The following FSTL5 variants were observed in gnomAD, a reference collection of about 807,000 sequenced individuals.
The protein encoded by FSTL5 is follistatin like 5.
A neutral mutation model predicts 89.1 loss-of-function variants in FSTL5; 62 were observed. That is an observed-to-expected ratio of 0.70 (90% confidence interval 0.57 to 0.86). FSTL5 has a LOEUF of 0.86. Among genes scored for constraint, FSTL5 ranks in the 40% least tolerant of loss-of-function variants. FSTL5 has a pLI of 0.00. For synonymous variants in FSTL5, 383 were observed against 346.2 expected (o/e 1.11, Z -1.18); for missense variants, 1,057 against 1,001.6 (o/e 1.06, Z -0.75).
At chr4:161,631,596 G>A (rs751507953) in intron 7 of FSTL5, among the ~76,000 whole-genome samples, 1 of 152,102 alleles carries the variant, frequency 6.6e-6, no homozygotes, top group African/African-American at 2.4e-5. Flanking sequence ...CAGACTGGAC[G>A]AAATAGTGAG....
At chr4:161,974,588 T>A (rs559551338) in intron 3 of FSTL5, among the ~76,000 whole-genome samples, 84 of 122,038 alleles carry the variant, frequency 6.9e-4, no homozygotes, top group Non-Finnish European at 1.1e-3. Context: ...TTACACCTTA[T>A]ACAAAAATCA....
Position 161,459,230 on chromosome 4 carries a change from C to A in FSTL5, c.1698G>T (p.Lys566Asn). Residue 566 changes from lysine (K) to asparagine (N), a missense_variant, in exon 14 of 16, where the codon AAG (lysine) becomes AAT (asparagine). Physicochemically the swap from Lys to Asn is moderately conservative, Grantham distance 94. Around this residue, in one of 3 missense-constraint regions of FSTL5, gnomAD observed 980 missense variants for 903.2 expected, o/e 1.08. Coordinates refer to ENST00000306100, the MANE Select transcript of FSTL5 (RefSeq NM_020116.5). ...VWVLSWGTLE[K>N]TSPTLQVITL... ...TACTTACCTGTAGTGTTGGTGATGT[C>A]TTCTCCAAGGTACCCCAGCTTAGCA... 6.2e-7 allele frequency: 1 copy of A among 1,605,808 alleles called. No homozygotes were observed. Among genetic ancestry groups the A allele is most frequent in the South Asian group, 1.1e-5 (1 of 90,854 alleles).
At chr4:162,027,661 T>C (rs1251374935) in intron 3 of FSTL5, among the ~76,000 whole-genome samples, 1 of 152,146 alleles carries the variant, frequency 6.6e-6, no homozygotes, top group Non-Finnish European at 1.5e-5. Flanking sequence ...CTCATTATAA[T>C]TGAGAATTAC....
chr4:161,527,551 C>T (rs370756923), intron 10 of FSTL5, among the ~76,000 whole-genome samples: 1,560 of 145,526 alleles, frequency 0.011, 22 homozygotes, highest in South Asian at 0.056. Flanking sequence ...AAAATGCTCA[C>T]CATCACTGGC....
chr4:161,971,694 T>C (rs779843814), intron 3 of FSTL5, among the ~76,000 whole-genome samples: 1 of 152,204 alleles, frequency 6.6e-6, no homozygotes, highest in Non-Finnish European at 1.5e-5. Context: ...ACATCAGTCA[T>C]GGTCTATCAA....
At chr4:161,800,241 T>C (rs1184060086) in intron 4 of FSTL5, among the ~76,000 whole-genome samples, 3 of 151,642 alleles carry the variant, frequency 2.0e-5, no homozygotes, top group Non-Finnish European at 4.4e-5. Context: ...TAATGATTAA[T>C]TTCACATAAT....
At chr4:162,002,547 T>G (rs1560964007) in intron 3 of FSTL5, among the ~76,000 whole-genome samples, 1 of 152,190 alleles carries the variant, frequency 6.6e-6, no homozygotes, top group Non-Finnish European at 1.5e-5. Context: ...TGGCTAACAA[T>G]GCAAAACTGA....
chr4:161,747,036 T>C (rs1220464792), intron 6 of FSTL5, among the ~76,000 whole-genome samples: 1 of 152,198 alleles, frequency 6.6e-6, no homozygotes, highest in Non-Finnish European at 1.5e-5. Context: ...TCTTTTTCCA[T>C]TGCCCCTTGA....
At chr4:161,782,782 C>T (rs1364553076) in intron 4 of FSTL5, among the ~76,000 whole-genome samples, 1 of 152,106 alleles carries the variant, frequency 6.6e-6, no homozygotes, top group Admixed American at 6.5e-5. Flanking sequence ...GCAACTGTCT[C>T]CAAATCTATC....
rs10570017 is a variant in FSTL5, at chr4:161,424,531, TAAA to T, written c.1841+30470_1841+30472del. ...TTACATCTCCTTTTCCTCCTTTAAA[TAAA>T]AAAAAAAAATGGTTTTCTTTTGTAA... On this transcript the variant is annotated intron_variant, in intron 15 of 15. Coordinates refer to ENST00000306100, the MANE Select transcript of FSTL5 (RefSeq NM_020116.5). Among the ~76,000 whole-genome samples, 1,219 of 148,970 alleles carry T rather than the reference TAAA, an allele frequency of 8.2e-3. 68 individuals are homozygous for T. Among genetic ancestry groups the T allele is most frequent in the Admixed American group, 0.06 (902 of 15,066 alleles).
chr4:161,845,404 C>A (rs913864254), intron 4 of FSTL5, among the ~76,000 whole-genome samples: 23 of 152,130 alleles, frequency 1.5e-4, no homozygotes, highest in African/African-American at 5.1e-4. Flanking sequence ...GAGCTGCCTT[C>A]AGAACCAGTT....
intron 15 of FSTL5, among the ~76,000 whole-genome samples, chr4:161,414,909 G>A (rs886179414): frequency 1.3e-5 from 2 of 152,124 alleles, no homozygotes; most frequent in African/African-American, 4.8e-5. Flanking sequence ...TATTGAATAA[G>A]TGACTTTATC....
chr4:161,744,461 T>C (rs1427041628), intron 6 of FSTL5, among the ~76,000 whole-genome samples: 1 of 152,156 alleles, frequency 6.6e-6, no homozygotes, highest in South Asian at 2.1e-4. Context: ...CCTAATTTTA[T>C]GTCTATACAT....
chr4:161,402,823 CTTTT>C (rs145198636), intron 15 of FSTL5, among the ~76,000 whole-genome samples: 1 of 141,020 alleles, frequency 7.1e-6, no homozygotes, highest in Non-Finnish European at 1.6e-5. Context: ...CTTGCCAGAA[CTTTT>C]TTTTTTTTTT....
chr4:162,092,266 T>C (rs965830074), intron 2 of FSTL5, among the ~76,000 whole-genome samples: 1 of 152,158 alleles, frequency 6.6e-6, no homozygotes, highest in Non-Finnish European at 1.5e-5. Context: ...TAGCCAAGAT[T>C]GATAACCACT....
intron 7 of FSTL5, among the ~76,000 whole-genome samples, chr4:161,634,613 A>T (rs932563550): frequency 6.6e-6 from 1 of 152,200 alleles, no homozygotes; most frequent in African/African-American, 2.4e-5. Context: ...CCTGGAAAAC[A>T]TTATGCTAAG....
chr4:161,764,565 T>G (rs1740924384), intron 5 of FSTL5, among the ~76,000 whole-genome samples: 1 of 152,124 alleles, frequency 6.6e-6, no homozygotes, highest in African/African-American at 2.4e-5. Flanking sequence ...GGCCTGGAGA[T>G]GTATTTTTAA....
At chr4:161,406,477 T>A (rs1297252457) in intron 15 of FSTL5, among the ~76,000 whole-genome samples, 3 of 152,110 alleles carry the variant, frequency 2.0e-5, no homozygotes, top group Non-Finnish European at 4.4e-5. Flanking sequence ...TTGAGAAAAA[T>A]TTATATTCTG....
intron 12 of FSTL5, among the ~76,000 whole-genome samples, chr4:161,496,541 C>A (rs1185719844): frequency 6.6e-6 from 1 of 152,080 alleles, no homozygotes; most frequent in East Asian, 1.9e-4. Context: ...ACATAGAAAT[C>A]CTGCTTGAGT....
Sources: allele counts gnomAD v4.1 joint callset (sites outside exome capture counted in the v4.1 genomes callset), GRCh38; gene constraint gnomAD v4.1.1; regional missense constraint gnomAD v4.1.1; transcripts MANE v1.5; gene names NCBI Gene and HGNC (gene_info 2026-07-23, HGNC 2026-07-21).